OSBPL10: variants seen among roughly 807,000 people sequenced by gnomAD.
OSBPL10 encodes oxysterol binding protein like 10, also known as oxysterol-binding protein-related protein 10.
OSBPL10 carries 49 observed loss-of-function variants against 81.7 expected under a neutral mutation model. The observed-to-expected ratio is 0.60, with a 90% CI of 0.48 to 0.76. The LOEUF (loss-of-function observed/expected upper bound fraction) is 0.76, where lower values mean the gene tolerates loss of function less well. Ranked by LOEUF, OSBPL10 falls within the 30% of genes least tolerant of loss-of-function variation. The pLI is 0.00. For synonymous variants in OSBPL10, 419 were observed against 383.6 expected (o/e 1.09, Z -1.08); for missense variants, 923 against 987.8 (o/e 0.93, Z 0.88).
intron 3 of OSBPL10, among the ~76,000 whole-genome samples, chr3:31,865,770 G>T (rs369023625): frequency 2.6e-5 from 4 of 152,320 alleles, no homozygotes; most frequent in African/African-American, 9.6e-5. Context: ...AGTGTCATTT[G>T]TCAGATTGCC....
intron 7 of OSBPL10, among the ~76,000 whole-genome samples, chr3:31,699,759 G>A (rs1265757481): frequency 1.3e-5 from 2 of 152,208 alleles, no homozygotes; most frequent in Non-Finnish European, 2.9e-5. Context: ...TATGTGCCCA[G>A]TTGGGCTGGT....
chr3:31,714,119 C>A (rs1696354914), intron 6 of OSBPL10: 2 of 152,190 alleles, frequency 1.3e-5, no homozygotes, highest in South Asian at 4.1e-4. Context: ...GGATGGGGCA[C>A]TGAGAGCAGT....
upstream of OSBPL10, among the ~76,000 whole-genome samples, chr3:31,984,401 C>G (rs1321536135): frequency 1.3e-5 from 2 of 151,366 alleles, no homozygotes; most frequent in East Asian, 3.9e-4. Flanking sequence ...GATGGGGAAG[C>G]TGATAGATTG....
At chr3:31,844,175 C>G (rs1700572433) in intron 3 of OSBPL10, among the ~76,000 whole-genome samples, 1 of 152,200 alleles carries the variant, frequency 6.6e-6, no homozygotes, top group South Asian at 2.1e-4. Context: ...GGGATTGTGA[C>G]TTAAATCATT....
chr3:31,812,818 G>GAGAAAGAAAGAAAGAA (rs745663706), intron 4 of OSBPL10, among the ~76,000 whole-genome samples: 2 of 25,902 alleles, frequency 7.7e-5, no homozygotes, highest in Admixed American at 5.5e-4. Context: ...AAGAAAGAAA[G>GAGAAAGAAAGAAAGAA]AGAAAGAAAG....
intron 3 of OSBPL10, among the ~76,000 whole-genome samples, chr3:31,860,613 G>T (rs550205002): frequency 1.3e-5 from 2 of 152,230 alleles, no homozygotes; most frequent in South Asian, 4.2e-4. Context: ...GTTCATGTAT[G>T]TTCTTTTTAG....
At chr3:31,979,711 G>GA (rs56355946) in intron 1 of OSBPL10, among the ~76,000 whole-genome samples, 12,905 of 144,440 alleles carry the variant, frequency 0.089, 1,020 homozygotes, top group East Asian at 0.46. Flanking sequence ...AAAACAAATT[G>GA]AAAAAAAAAA....
rs11129464 is a variant in OSBPL10 at position 31,797,792 on chromosome 3, A to T, written c.729+32248T>A. The T allele has an allele frequency of 2.5e-4, 113 of 456,440 alleles. No homozygotes were observed. The East Asian group carries it at 7.4e-3, about 30-fold the overall frequency. The allele number at this position is 456,440 out of a possible 1,614,324, so 28.3% of individuals were successfully genotyped here. A position where few individuals can be genotyped will look rare whatever the true frequency, so the allele number is the denominator to read the frequency against. On this transcript the variant is annotated intron_variant, in intron 4 of 11. Transcript: ENST00000396556. ...CTGGGTTTGAGTCTTGACGATGCCA[A>T]TGACTCTCTGTGTGACCTCACACAT...
intron 1 of OSBPL10, among the ~76,000 whole-genome samples, chr3:31,963,169 G>T (rs1698215531): frequency 2.0e-5 from 3 of 151,722 alleles, no homozygotes; most frequent in Non-Finnish European, 4.4e-5. Context: ...GCTTTATCAT[G>T]CTCTCTAGCC....
chr3:31,773,525 G>A (rs768201211), intron 4 of OSBPL10, among the ~76,000 whole-genome samples: 7 of 152,206 alleles, frequency 4.6e-5, no homozygotes, highest in Admixed American at 2.6e-4. Flanking sequence ...TGTGCCTATC[G>A]TTGTCCCTGC....
At chr3:32,026,033 T>TAGAC (rs1559551402) in intron 2 of OSBPL10, among the ~76,000 whole-genome samples, 2 of 122,974 alleles carry the variant, frequency 1.6e-5, no homozygotes, top group African/African-American at 6.6e-5. Flanking sequence ...GATAGATAGA[T>TAGAC]AGATAGATAG....
chr3:32,047,335 G>T (rs72858413), intron 1 of OSBPL10, among the ~76,000 whole-genome samples: 1,603 of 152,268 alleles, frequency 0.011, 26 homozygotes, highest in African/African-American at 0.036. Flanking sequence ...CGTAGACAGA[G>T]TAGCACCGAG....
At chr3:32,035,612 T>A (rs575457568) in intron 2 of OSBPL10, among the ~76,000 whole-genome samples, 6 of 142,918 alleles carry the variant, frequency 4.2e-5, no homozygotes, top group South Asian at 2.3e-4. Context: ...TAAAATAGGA[T>A]CAGACACTAA....
At chr3:31,737,510 G>A (rs1209948822) in intron 5 of OSBPL10, among the ~76,000 whole-genome samples, 1 of 152,154 alleles carries the variant, frequency 6.6e-6, no homozygotes, top group Admixed American at 6.5e-5. Context: ...GAGGTGAAAA[G>A]AGAGATGGAT....
At chr3:31,704,430 G>A (rs1388537931) in intron 6 of OSBPL10, among the ~76,000 whole-genome samples, 2 of 152,238 alleles carry the variant, frequency 1.3e-5, no homozygotes, top group Non-Finnish European at 2.9e-5. Flanking sequence ...GCACCAGCTG[G>A]GGGAGGAGAG....
At chr3:31,951,160 C>T (rs899222600) in intron 1 of OSBPL10, among the ~76,000 whole-genome samples, 1 of 151,780 alleles carries the variant, frequency 6.6e-6, no homozygotes, top group South Asian at 2.1e-4. Context: ...ATACCCATCA[C>T]CAGGATAAAA....
At chr3:31,930,126 T>C (rs1697199517) in intron 1 of OSBPL10, among the ~76,000 whole-genome samples, 1 of 151,214 alleles carries the variant, frequency 6.6e-6, no homozygotes, top group Non-Finnish European at 1.5e-5. Context: ...TGAGACCAGC[T>C]GGGTCAACAC....
chr3:32,025,810 T>G (rs2125548216), intron 2 of OSBPL10, among the ~76,000 whole-genome samples: 1 of 152,282 alleles, frequency 6.6e-6, no homozygotes, highest in South Asian at 2.1e-4. Flanking sequence ...TCAGTAGTAA[T>G]GTCCTCTCTT....
intron 1 of OSBPL10, among the ~76,000 whole-genome samples, chr3:31,939,456 TA>T (rs1191637557): frequency 3.5e-4 from 49 of 141,316 alleles, no homozygotes; most frequent in African/African-American, 3.6e-4. Context: ...TCTTTCATCT[TA>T]AAAAAAAAAA....
Sources: gnomAD v4.1 joint callset for allele counts (sites outside exome capture counted in the v4.1 genomes callset) on GRCh38, gnomAD v4.1.1 for gene constraint, MANE v1.5 for transcripts, NCBI Gene and HGNC (gene_info 2026-07-23, HGNC 2026-07-21) for gene names.